The following RBM33 variants were observed in gnomAD, a reference collection of about 807,000 sequenced individuals.
The protein encoded by RBM33 is RNA binding motif protein 33.
In RBM33, 28 loss-of-function variants were observed where a neutral mutation model predicts 132.6. The ratio of observed to expected loss-of-function variants is 0.21; its 90% CI spans 0.16 to 0.29. RBM33 has a LOEUF of 0.29. RBM33 is among the 10% of genes least tolerant of loss of function. The pLI is 1.00. For synonymous variants in RBM33, 634 were observed against 593.0 expected (o/e 1.07, Z -1.01); for missense variants, 1,291 against 1,518.5 (o/e 0.85, Z 2.49).
chr7:155,741,244 C>T (rs1041431489), intron 12 of RBM33, among the ~76,000 whole-genome samples: 2 of 151,652 alleles, frequency 1.3e-5, no homozygotes, highest in African/African-American at 2.4e-5. Context: ...CCAGCTCTCT[C>T]GTGTTCTCTT....
intron 5 of RBM33, among the ~76,000 whole-genome samples, chr7:155,691,309 T>G (rs1261793546): frequency 1.3e-5 from 2 of 152,216 alleles, no homozygotes; most frequent in Non-Finnish European, 2.9e-5. Flanking sequence ...GCCATGGTTT[T>G]CAGCTCCATC....
Position 155,663,508 on chromosome 7 carries a change from T to C in RBM33, c.44-1667T>C, listed in dbSNP as rs559382324. 1.4e-4 allele frequency among the ~76,000 whole-genome samples: 21 copies of C among 152,148 alleles called. No homozygotes were observed. The South Asian group carries it at 4.4e-3, about 32-fold the overall frequency. On this transcript the variant is annotated intron_variant, in intron 1 of 17. Transcript: ENST00000401878. ...TGCCACACTTTACAACAACCAGATA[T>C]CCAGAGAGCTCACTGGCTATGGTGA...
intron 1 of RBM33, among the ~76,000 whole-genome samples, chr7:155,651,582 C>CAA (rs34693646): frequency 0.046 from 4,300 of 93,442 alleles, 176 homozygotes; most frequent in African/African-American, 0.12. Flanking sequence ...TTTGTCTCAC[C>CAA]AAAAAAAAAA....
chr7:155,767,266 G>A (rs912892565), intron 16 of RBM33, among the ~76,000 whole-genome samples: 2 of 152,262 alleles, frequency 1.3e-5, no homozygotes, highest in Non-Finnish European at 2.9e-5. Flanking sequence ...CTGACCCAGC[G>A]AAGAAGCTAC....
At chr7:155,664,136 A>T (rs964525945) in intron 1 of RBM33, among the ~76,000 whole-genome samples, 6 of 152,182 alleles carry the variant, frequency 3.9e-5, no homozygotes, top group African/African-American at 1.4e-4. Flanking sequence ...TCACATTGAG[A>T]TGAGAGATGT....
In RBM33 at chr7:155,763,966, C is replaced by T. The variant is rs765879560; in HGVS notation, c.3134C>T (p.Ser1045Leu). ...PHLPAGPHAH[S>L]PVPPGIKSIQ... ...CTGCCAGCGGGGCCCCACGCACACT[C>T]GCCTGTCCCTCCAGGGATCAAAAGC... Residue 1045 changes from serine to leucine, a missense_variant, in exon 15 of 18, where the codon TCG becomes TTG. Transcript: ENST00000401878. The T allele has an allele frequency of 1.8e-5, 28 of 1,595,862 alleles. No individual in the cohort carries two copies. The East Asian group carries it at 4.3e-4, about 25-fold the overall frequency.
rs1799594449 is a variant in RBM33 at position 155,690,187 on chromosome 7, G to A, written c.567+9279G>A. On this transcript the variant is annotated intron_variant, in intron 5 of 17. Coordinates refer to ENST00000401878, the MANE Select transcript of RBM33 (RefSeq NM_053043.3). Reference sequence around the variant, plus strand: ...GGTGCACATATGTGTAGGATAGTTAGCTCTTCTTGTTGAATTGATCCCTTT... The same window carrying A: ...GGTGCACATATGTGTAGGATAGTTAACTCTTCTTGTTGAATTGATCCCTTT... Among the ~76,000 whole-genome samples, 3 of 152,248 alleles carry A rather than the reference G, an allele frequency of 2.0e-5. No individual in the cohort carries two copies. The South Asian group carries it at 6.2e-4, about 32-fold the overall frequency.
intron 9 of RBM33, among the ~76,000 whole-genome samples, chr7:155,723,689 GAT>G (rs1800690939): frequency 2.0e-5 from 3 of 152,210 alleles, no homozygotes; most frequent in Non-Finnish European, 4.4e-5. Flanking sequence ...GTTGGATAGA[GAT>G]AGGGCTGGGT....
At chr7:155,702,980 A>C (rs956659681) in intron 6 of RBM33, among the ~76,000 whole-genome samples, 1 of 152,104 alleles carries the variant, frequency 6.6e-6, no homozygotes, top group Non-Finnish European at 1.5e-5. Context: ...TGTGGATTTC[A>C]TGGCTCGTCT....
At chr7:155,662,339 C>G (rs1255885245) in intron 1 of RBM33, among the ~76,000 whole-genome samples, 1 of 152,192 alleles carries the variant, frequency 6.6e-6, no homozygotes, top group African/African-American at 2.4e-5. Flanking sequence ...CCCCATTTCT[C>G]TCCAGCACAG....
chr7:155,752,228 C>T (rs1225587540), intron 14 of RBM33, among the ~76,000 whole-genome samples: 1 of 152,152 alleles, frequency 6.6e-6, no homozygotes, highest in Non-Finnish European at 1.5e-5. Flanking sequence ...GCTCCAGGTC[C>T]TTAGAGTGGA....
intron 12 of RBM33, among the ~76,000 whole-genome samples, chr7:155,740,287 A>G (rs531342985): frequency 5.8e-4 from 89 of 152,346 alleles, no homozygotes; most frequent in Non-Finnish European, 9.7e-4. Context: ...TCTTGTATCT[A>G]GATATTTCTA....
chr7:155,700,963 T>C lies in RBM33; in HGVS notation c.739+19T>C. On this transcript the variant is annotated intron_variant, in intron 6 of 17. Transcript: ENST00000401878. ...ACTTTGGGTAACTTTTTTGCCTGTC[T>C]CCCATCCTCCTTTACTCTCATTTCA... 6.3e-7 allele frequency: 1 copy of C among 1,586,222 alleles called. No homozygotes were observed. Among genetic ancestry groups the C allele is most frequent in the Non-Finnish European group, 8.6e-7 (1 of 1,159,070 alleles).
chr7:155,712,500 G>C (rs1461795822), intron 8 of RBM33, among the ~76,000 whole-genome samples: 1 of 152,188 alleles, frequency 6.6e-6, no homozygotes, highest in Non-Finnish European at 1.5e-5. Flanking sequence ...ATTTTATGTG[G>C]CATGTTAGAA....
chr7:155,673,940 G>GTTGTTTTTTGTTTTT, intron 3 of RBM33, among the ~76,000 whole-genome samples: 8 of 54,196 alleles, frequency 1.5e-4, no homozygotes, highest in African/African-American at 6.6e-4. Context: ...TTTAGGCTTA[G>GTTGTTTTTTGTTTTT]TTTTTTTTTT....
rs373931090 is a variant in RBM33, at chr7:155,738,278, G to C, written c.1612G>C (p.Val538Leu). ...VRPALQPPGP[V>L]GILHFSQPGS... ...ACCAGCCTTGCAGCCTCCAGGTCCG[G>C]TGGGGATTCTGCACTTTAGCCAGCC... is the stretch of plus-strand genomic sequence containing the variant. Residue 538 changes from valine to leucine, a missense_variant, in exon 11 of 18, where the codon GTG (valine) becomes CTG (leucine). By Grantham distance (32) the Val-to-Leu change is conservative (BLOSUM62 1). Around this residue, in one of 7 missense-constraint regions of RBM33, gnomAD observed 841 missense variants for 912.0 expected, o/e 0.92. Coordinates refer to ENST00000401878, the MANE Select transcript of RBM33 (RefSeq NM_053043.3). 6.2e-7 allele frequency: 1 copy of C among 1,613,844 alleles called. No homozygotes were observed. Among genetic ancestry groups the C allele is most frequent in the East Asian group, 2.2e-5 (1 of 44,902 alleles).
rs906653245 is a variant in RBM33 at position 155,707,324 on chromosome 7, C to T, written c.948+256C>T. 3.5e-5 allele frequency: 21 copies of T among 604,400 alleles called. No homozygotes were observed. The Admixed American group carries it at 4.5e-4, about 13-fold the overall frequency. 37.4% of individuals were successfully genotyped at this position (604,400 alleles called of 1,614,324 possible). ...TCCAGAGGAGGAATTAATGAGCGAC[C>T]TGATGCCCTAAGATGACATAAGCTG... is the stretch of plus-strand genomic sequence containing the variant. On this transcript the variant is annotated intron_variant, in intron 7 of 17. Coordinates refer to ENST00000401878, the MANE Select transcript of RBM33 (RefSeq NM_053043.3).
chr7:155,696,380 T>C (rs1309136743), intron 5 of RBM33, among the ~76,000 whole-genome samples: 1 of 152,240 alleles, frequency 6.6e-6, no homozygotes, highest in East Asian at 1.9e-4. Flanking sequence ...ATGACAGTTT[T>C]AAAATTCTTC....
At chr7:155,761,838 G>C (rs572100456) in intron 14 of RBM33, among the ~76,000 whole-genome samples, 1 of 151,928 alleles carries the variant, frequency 6.6e-6, no homozygotes, top group Non-Finnish European at 1.5e-5. Flanking sequence ...TTTTGAGGAC[G>C]GGGGACTAGC....
Sources: gnomAD v4.1 joint callset for allele counts (sites outside exome capture counted in the v4.1 genomes callset) on GRCh38, gnomAD v4.1.1 for gene constraint, gnomAD v4.1.1 regional missense constraint, MANE v1.5 for transcripts, NCBI Gene and HGNC (gene_info 2026-07-23, HGNC 2026-07-21) for gene names.